Variants in KLHL31 observed in about 807,000 individuals in gnomAD.
The protein encoded by KLHL31 is kelch-like protein 31.
Under a neutral mutation model 47.1 loss-of-function variants are expected in KLHL31, and 32 were observed. The ratio of observed to expected loss-of-function variants is 0.68; its 90% CI spans 0.51 to 0.91. The LOEUF (loss-of-function observed/expected upper bound fraction) is 0.91, where lower values mean the gene tolerates loss of function less well. KLHL31 is among the 40% of genes least tolerant of loss of function. The pLI is 0.00. For synonymous variants in KLHL31, 330 were observed against 325.1 expected (o/e 1.01, Z -0.16); for missense variants, 797 against 819.3 (o/e 0.97, Z 0.33).
At chr6:53,652,420 C>G (rs748742885) in intron 2 of KLHL31, 90 bp from the exon 3 acceptor site, 30 of 1,537,096 alleles carry the variant, frequency 2.0e-5, no homozygotes, top group Non-Finnish European at 2.2e-5. Context: ...AAGCCTGACA[C>G]TACCCCTGCA....
At chr6:53,653,362 A>G (rs1764504364) in intron 2 of KLHL31, among the ~76,000 whole-genome samples, 1 of 152,230 alleles carries the variant, frequency 6.6e-6, no homozygotes, top group African/African-American at 2.4e-5. Context: ...ATACTACACA[A>G]ATTTTCAGAT....
intron 1 of KLHL31, among the ~76,000 whole-genome samples, chr6:53,655,669 T>C (rs1764550904): frequency 6.6e-6 from 1 of 151,126 alleles, no homozygotes; most frequent in Non-Finnish European, 1.5e-5. Context: ...TGCAGTGGCA[T>C]GATCTCAGCT....
rs1764644381 is a variant in KLHL31 at position 53,661,469 on chromosome 6, T to C, written c.-34+4132A>G. On this transcript the variant is annotated intron_variant, in intron 1 of 2. Transcript: ENST00000370905. ...ACCATGAGTTTTCCACAATCATGTTTAAGTTAAGAGCAAGGGCAATCTTTA... is the reference window on the plus strand; with the variant it reads ...ACCATGAGTTTTCCACAATCATGTTCAAGTTAAGAGCAAGGGCAATCTTTA... 2.0e-5 allele frequency among the ~76,000 whole-genome samples: 3 copies of C among 152,096 alleles called. No homozygotes were observed. The South Asian group carries it at 6.2e-4, about 32-fold the overall frequency.
In KLHL31 at chr6:53,648,401, C is replaced by T. The variant is rs761210616; in HGVS notation, c.*3197G>A. The T allele has an allele frequency of 2.1e-4, 32 of 152,092 alleles. No individual in the cohort carries two copies. The highest frequency in any genetic ancestry group is 7.2e-4 in the African/African-American group (30 of 41,404). 9.4% of individuals were successfully genotyped at this position (152,092 alleles called of 1,614,324 possible). A position where few individuals can be genotyped will look rare whatever the true frequency, so the allele number is the denominator to read the frequency against. Reference sequence around the variant, plus strand: ...TTAATGAGGTGATTTTAGTTTATTTCGTCTCGTAACTTGGATGAGTTCTGA... The same window carrying T: ...TTAATGAGGTGATTTTAGTTTATTTTGTCTCGTAACTTGGATGAGTTCTGA... On this transcript the variant is annotated 3_prime_UTR_variant, in exon 3 of 3. Transcript: ENST00000370905.
chr6:53,657,939 C>G (rs1416491778), intron 1 of KLHL31, among the ~76,000 whole-genome samples: 5 of 152,044 alleles, frequency 3.3e-5, no homozygotes, highest in African/African-American at 1.2e-4. Context: ...TCTTCTCATT[C>G]TTTTTTTGCA....
Position 53,655,184 on chromosome 6 carries a change from A to G in KLHL31, c.89T>C (p.Leu30Pro), listed in dbSNP as rs200944706. The G allele has an allele frequency of 4.3e-6, 7 of 1,613,936 alleles. 1 individual carries two copies. In the South Asian group the frequency reaches 7.7e-5, roughly 18 times the overall value. ...CTCTAGGAGCCCATTCAAAGCATTC[A>G]GTTTGTTTAGGGGGCTATCTTCTAC... ...IIVEDSPLNK[L>P]NALNGLLEGG... The change falls in exon 2 of 3, where the codon CTG becomes CCG. Residue 30 changes from leucine to proline, a missense_variant. Physicochemically the swap from Leu to Pro is moderately conservative, Grantham distance 98. Transcript: ENST00000370905.
chr6:53,654,991 G>A lies in KLHL31; in HGVS notation c.282C>T (p.Cys94=), dbSNP rs762931057. 1 of 1,614,052 alleles carries A rather than the reference G, an allele frequency of 6.2e-7. No individual in the cohort carries two copies. Among genetic ancestry groups the A allele is most frequent in the East Asian group, 2.2e-5 (1 of 44,892 alleles). ...TTAGGATGTTGTAAAAATACTCACTGCATGAAGCCATGACTGACTTATGAA... is the reference window on the plus strand; with the variant it reads ...TTAGGATGTTGTAAAAATACTCACTACATGAAGCCATGACTGACTTATGAA... ...FDVHKSVMAS[C]SEYFYNILKK... is the part of the protein sequence containing the mutation. Residue 94 remains cysteine, a synonymous_variant, in exon 2 of 3, where the codon TGC becomes TGT. Coordinates refer to ENST00000370905, the MANE Select transcript of KLHL31 (RefSeq NM_001003760.5).
rs1764431019 is a variant in KLHL31, at chr6:53,649,018, C to T, written c.*2580G>A. 6.6e-6 allele frequency: 1 copy of T among 152,086 alleles called. No individual in the cohort carries two copies. The highest frequency in any genetic ancestry group is 2.4e-5 in the African/African-American group (1 of 41,418). The allele number at this position is 152,086 out of a possible 1,614,324, so 9.4% of individuals were successfully genotyped here. A position where few individuals can be genotyped will look rare whatever the true frequency, so the allele number is the denominator to read the frequency against. On this transcript the variant is annotated 3_prime_UTR_variant, in exon 3 of 3. Transcript: ENST00000370905. ...ATAAAAGGAAGTATATGGTTGGGTC[C>T]TAAGACTCTGGAGTAATTGAATGTA...
chr6:53,655,215 T>C lies in KLHL31; in HGVS notation c.58A>G (p.Ile20Val). Residue 20 changes from isoleucine to valine, a missense_variant, in exon 2 of 3, where the codon ATA becomes GTA. Transcript: ENST00000370905. Reference sequence around the variant, plus strand: ...TTTAGGGGGCTATCTTCTACGATTATAGTCATCTCATTGATATCTCCTTTG... The same window carrying C: ...TTTAGGGGGCTATCTTCTACGATTACAGTCATCTCATTGATATCTCCTTTG... ...KNKGDINEMTIIVEDSPLNKL... is the reference protein window; with the variant it reads ...KNKGDINEMTVIVEDSPLNKL... The C allele has an allele frequency of 6.2e-7, 1 of 1,606,878 alleles. No individual in the cohort carries two copies. The highest frequency in any genetic ancestry group is 8.5e-7 in the Non-Finnish European group (1 of 1,177,992).
chr6:53,651,730 G>A lies in KLHL31; in HGVS notation c.1773C>T (p.Leu591=). Residue 591 remains leucine (L), a synonymous_variant, in exon 3 of 3, where the codon CTC becomes CTT. Coordinates refer to ENST00000370905, the MANE Select transcript of KLHL31 (RefSeq NM_001003760.5). ...GCTCGTCGTCCTCCGTCCACTCGTT[G>A]AGCTCGGGGCTGAAGCACTGGATGC... The part of the protein sequence containing the change: ...KKCIQCFSPE[L]NEWTEDDELP... 1.2e-6 allele frequency: 2 copies of A among 1,614,172 alleles called. No individual in the cohort carries two copies. Among genetic ancestry groups the A allele is most frequent in the African/African-American group, 1.3e-5 (1 of 75,068 alleles).
chr6:53,648,747 A>T lies in KLHL31; in HGVS notation c.*2851T>A, dbSNP rs1176089567. ...AAATTCATTCAATGCACTGAAAGCA[A>T]CTAATGCATCAGGGATGACAACTTG... is the stretch of plus-strand genomic sequence containing the variant. On this transcript the variant is annotated 3_prime_UTR_variant, in exon 3 of 3. Transcript: ENST00000370905. 6.6e-6 allele frequency: 1 copy of T among 152,238 alleles called. No individual in the cohort carries two copies. The highest frequency in any genetic ancestry group is 2.1e-4 in the South Asian group (1 of 4,836). The allele number at this position is 152,238 out of a possible 1,614,324, so 9.4% of individuals were successfully genotyped here. A position where few individuals can be genotyped will look rare whatever the true frequency, so the allele number is the denominator to read the frequency against.
At chr6:53,657,425 A>G (rs1764578450) in intron 1 of KLHL31, among the ~76,000 whole-genome samples, 2 of 152,096 alleles carry the variant, frequency 1.3e-5, no homozygotes, top group African/African-American at 2.4e-5. Context: ...TTATTCAACA[A>G]TTTTCTCTTT....
At chr6:53,661,278 G>A (rs1356297355) in intron 1 of KLHL31, among the ~76,000 whole-genome samples, 2 of 152,120 alleles carry the variant, frequency 1.3e-5, no homozygotes, top group Admixed American at 6.6e-5. Flanking sequence ...CTCTTTATGG[G>A]GGATCAGAAC....
Position 53,656,150 on chromosome 6 carries a change from A to AC in KLHL31, c.-33-846_-33-845insG, listed in dbSNP as rs1554165118. On this transcript the variant is annotated intron_variant, in intron 1 of 2. Transcript: ENST00000370905. ...TTGACTCTAATTTAGTGAGACACAT[A>AC]TAAGTACTATAGGATTTTGCCAGAG... Among the ~76,000 whole-genome samples the AC allele has an allele frequency of 4.6e-5, 7 of 152,084 alleles. No homozygotes were observed. The East Asian group carries it at 1.4e-3, about 29-fold the overall frequency.
chr6:53,655,467 CAG>C (rs1297093925), intron 1 of KLHL31, among the ~76,000 whole-genome samples, 162 bp from the exon 2 acceptor site: 1 of 152,128 alleles, frequency 6.6e-6, no homozygotes, highest in Admixed American at 6.5e-5. Context: ...GTACATTTTA[CAG>C]ACAGTTTACT....
chr6:53,654,417 T>A lies in KLHL31; in HGVS notation c.856A>T (p.Arg286Ter). Residue 286 changes from arginine (R) to a stop codon, truncating the protein, a stop_gained, in exon 2 of 3, where the codon AGA becomes TGA. Coordinates refer to ENST00000370905, the MANE Select transcript of KLHL31 (RefSeq NM_001003760.5). LOFTEE classifies it high-confidence loss of function. The stretch of plus-strand genomic sequence containing the variant: ...TAGTTCATAGCATCTACGAGAAGTC[T>A]GTGACAATCAGCATCTTGCATCATT... ...PRMMQDADCH[R>*]LLVDAMNYHL... 1 of 1,614,214 alleles carries A rather than the reference T, an allele frequency of 6.2e-7. No individual in the cohort carries two copies. The highest frequency in any genetic ancestry group is 8.5e-7 in the Non-Finnish European group (1 of 1,180,032).
At chr6:53,664,207 T>C (rs1764686613) in intron 1 of KLHL31, among the ~76,000 whole-genome samples, 1 of 152,212 alleles carries the variant, frequency 6.6e-6, no homozygotes, top group Admixed American at 6.5e-5. Flanking sequence ...AGATAAACTA[T>C]GAATCATACT....
At chr6:53,661,620 C>T (rs190785711) in intron 1 of KLHL31, among the ~76,000 whole-genome samples, 56 of 152,296 alleles carry the variant, frequency 3.7e-4, no homozygotes, top group Non-Finnish European at 5.7e-4. Context: ...ATGGTATGGG[C>T]TAATAGAAGA....
rs557068066 is a variant in KLHL31, at chr6:53,662,438, G to T, written c.-34+3163C>A. ...GGATGAACAGCTATTTGGAAGCACTGCCAGTCCCTTCCCTTTTTGGGTCAA... is the reference window on the plus strand; with the variant it reads ...GGATGAACAGCTATTTGGAAGCACTTCCAGTCCCTTCCCTTTTTGGGTCAA... On this transcript the variant is annotated intron_variant, in intron 1 of 2. Transcript: ENST00000370905. Among the ~76,000 whole-genome samples, 5 of 152,304 alleles carry T rather than the reference G, an allele frequency of 3.3e-5. No homozygotes were observed. In the South Asian group the frequency reaches 1.0e-3, roughly 32 times the overall value.
Sources: allele counts gnomAD v4.1 joint callset (sites outside exome capture counted in the v4.1 genomes callset), GRCh38; gene constraint gnomAD v4.1.1; transcripts MANE v1.5; gene names NCBI Gene and HGNC (gene_info 2026-07-23, HGNC 2026-07-21).